KANSL1: variants seen among roughly 807,000 people sequenced by gnomAD.
KANSL1 encodes the protein KAT8 regulatory NSL complex subunit 1.
KANSL1 carries 22 observed loss-of-function variants against 103.6 expected under a neutral mutation model. That is an observed-to-expected ratio of 0.21 (90% CI 0.15 to 0.30). The LOEUF is 0.30. KANSL1 is among the 10% of genes least tolerant of loss of function. The pLI is 1.00. For synonymous variants in KANSL1, 600 were observed against 527.6 expected (o/e 1.14, Z -1.88); for missense variants, 1,337 against 1,399.8 (o/e 0.96, Z 0.72).
intron 2 of KANSL1, among the ~76,000 whole-genome samples, chr17:46,115,614 A>G (rs2043012091): frequency 6.6e-6 from 1 of 152,238 alleles, no homozygotes; most frequent in African/African-American, 2.4e-5. Flanking sequence ...ATTTCAAACT[A>G]AATTAAAAAC....
chr17:46,104,928 G>A (rs1340618021), intron 2 of KANSL1, among the ~76,000 whole-genome samples: 1 of 152,038 alleles, frequency 6.6e-6, no homozygotes, highest in African/African-American at 2.4e-5. Context: ...CGAATCTCCT[G>A]CCTCAGCCTC....
chr17:46,042,122 T>TGGTCTC (rs1203275275), intron 7 of KANSL1: 1 of 147,378 alleles, frequency 6.8e-6, no homozygotes, highest in African/African-American at 2.4e-5. Context: ...TTAGCCAGGA[T>TGGTCTC]GGTCTCGATC....
rs1236099915 is a variant in KANSL1 at position 46,059,642 on chromosome 17, AAAAAAAG to A, written c.1848+6888_1848+6894del. On this transcript the variant is annotated intron_variant, in intron 6 of 14. Transcript: ENST00000432791. ...GGCTCTGACTCCAAAAAAAAAAAAA[AAAAAAAG>A]AGAGAGAGAGAGAGAGAAAAGGAAA... Among the ~76,000 whole-genome samples, 3 of 70,070 alleles carry A rather than the reference AAAAAAAG, an allele frequency of 4.3e-5. No homozygotes were observed. The Admixed American group carries it at 5.8e-4, about 13-fold the overall frequency. 46.0% of individuals were successfully genotyped at this position (70,070 alleles called of 152,430 possible).
chr17:46,031,881 A>T (rs2077018631), intron 14 of KANSL1, 166 bp downstream of exon 14: 2 of 1,089,302 alleles, frequency 1.8e-6, no homozygotes, highest in African/African-American at 3.1e-5. Flanking sequence ...ATCATTTAGC[A>T]GTGATCAATA....
chr17:46,050,504 T>A, intron 7 of KANSL1, 29 bp downstream of exon 7: 1 of 1,605,456 alleles, frequency 6.2e-7, no homozygotes, highest in Non-Finnish European at 8.5e-7. Flanking sequence ...TTTCTTTCAT[T>A]AGACTTTCTA....
intron 1 of KANSL1, among the ~76,000 whole-genome samples, chr17:46,177,105 T>G (rs1250986936): frequency 2.0e-5 from 3 of 152,248 alleles, no homozygotes; most frequent in Non-Finnish European, 4.4e-5. Context: ...GTTCCCATCC[T>G]GGCTCCACCT....
chr17:46,129,672 A>C (rs1464609520), intron 2 of KANSL1, among the ~76,000 whole-genome samples: 1 of 152,240 alleles, frequency 6.6e-6, no homozygotes, highest in Non-Finnish European at 1.5e-5. Flanking sequence ...GGAAGATTGG[A>C]GATCACTTTA....
At chr17:46,044,581 G>A (rs2077438311) in intron 7 of KANSL1, 1 of 152,090 alleles carries the variant, frequency 6.6e-6, no homozygotes, top group Admixed American at 6.5e-5. Flanking sequence ...TTTTCTCCAA[G>A]GTTATATATC....
chr17:46,059,851 A>C (rs1381823435), intron 6 of KANSL1, among the ~76,000 whole-genome samples: 1 of 151,664 alleles, frequency 6.6e-6, no homozygotes, highest in African/African-American at 2.4e-5. Flanking sequence ...TGTAGCTGCC[A>C]CCACAGCTGG....
At position 46,193,021 on chromosome 17, in the gene KANSL1, G is replaced by C. The variant is rs1275368619; in HGVS notation, c.-288C>G. 1 of 153,208 alleles carries C rather than the reference G, an allele frequency of 6.5e-6. No individual in the cohort carries two copies. Among genetic ancestry groups the C allele is most frequent in the Non-Finnish European group, 1.4e-5 (1 of 69,164 alleles). 9.5% of individuals were successfully genotyped at this position (153,208 alleles called of 1,614,324 possible). On this transcript the variant is annotated 5_prime_UTR_variant, in exon 1 of 15. Transcript: ENST00000432791. Reference sequence around the variant, plus strand: ...TCCGGGCGGGGGGGCGAGGCAGAGGGGGAGGGGAAGGCGGCGGCGGGGAGC... The same window carrying C: ...TCCGGGCGGGGGGGCGAGGCAGAGGCGGAGGGGAAGGCGGCGGCGGGGAGC...
chr17:46,204,844 A>G (rs183705151), intron 1 of KANSL1, among the ~76,000 whole-genome samples: 7 of 152,380 alleles, frequency 4.6e-5, no homozygotes, highest in African/African-American at 1.7e-4. Flanking sequence ...TACAAACCAC[A>G]TGATCATTTG....
At chr17:46,139,544 C>A (rs556234009) in intron 2 of KANSL1, among the ~76,000 whole-genome samples, 1 of 152,178 alleles carries the variant, frequency 6.6e-6, no homozygotes, top group South Asian at 2.1e-4. Context: ...CTACTCAGCA[C>A]GAAGAAGCAG....
chr17:46,188,383 C>T (rs1341946114), intron 1 of KANSL1, among the ~76,000 whole-genome samples: 2 of 152,132 alleles, frequency 1.3e-5, no homozygotes, highest in Admixed American at 6.5e-5. Flanking sequence ...TTTAGTATGC[C>T]CAGAGGTATA....
At position 46,069,114 on chromosome 17, in the gene KANSL1, T is replaced by C. The variant is rs1322309670; in HGVS notation, c.1534-1447A>G. Among the ~76,000 whole-genome samples, 5 of 152,138 alleles carry C rather than the reference T, an allele frequency of 3.3e-5. No homozygotes were observed. The South Asian group carries it at 6.2e-4, about 19-fold the overall frequency. On this transcript the variant is annotated intron_variant, in intron 4 of 14. Transcript: ENST00000432791. ...GTAATTTTTGTATTTTTAGTAGAGA[T>C]GGGGTTTCACCATGTTGGCCAGGCT...
chr17:46,138,358 C>G (rs974138771), intron 2 of KANSL1, among the ~76,000 whole-genome samples: 2 of 152,194 alleles, frequency 1.3e-5, no homozygotes, highest in Non-Finnish European at 2.9e-5. Context: ...TTTTTCTTCT[C>G]ATTATTCCCT....
At chr17:46,162,720 G>A (rs1567750955) in intron 2 of KANSL1, among the ~76,000 whole-genome samples, 1 of 152,190 alleles carries the variant, frequency 6.6e-6, no homozygotes, top group Non-Finnish European at 1.5e-5. Context: ...CACACAAGCG[G>A]GGTCTGAAAA....
At chr17:46,052,963 C>CAAAAAAAA (rs2077769956) in intron 6 of KANSL1, among the ~76,000 whole-genome samples, 8 of 43,160 alleles carry the variant, frequency 1.9e-4, no homozygotes, top group African/African-American at 7.1e-4. Context: ...GATCCTGTCT[C>CAAAAAAAA]CAAAAAAAAA....
intron 1 of KANSL1, among the ~76,000 whole-genome samples, chr17:46,181,745 T>C (rs2046805013): frequency 6.6e-6 from 1 of 152,188 alleles, no homozygotes; most frequent in Non-Finnish European, 1.5e-5. Context: ...CACACCTTTT[T>C]AATGAGTTCA....
chr17:46,173,803 A>T (rs2046396062), intron 1 of KANSL1, among the ~76,000 whole-genome samples: 1 of 152,248 alleles, frequency 6.6e-6, no homozygotes, highest in Admixed American at 6.5e-5. Context: ...AGCAAAAATT[A>T]TGAATTATCT....
Sources: allele counts gnomAD v4.1 joint callset (sites outside exome capture counted in the v4.1 genomes callset), GRCh38; gene constraint gnomAD v4.1.1; transcripts MANE v1.5; gene names NCBI Gene and HGNC (gene_info 2026-07-23, HGNC 2026-07-21).